The following CYP7B1 variants were observed in gnomAD, a reference collection of about 807,000 sequenced individuals.
CYP7B1 encodes the protein cytochrome P450 7B1.
In CYP7B1, 29 loss-of-function variants were observed where a neutral mutation model predicts 42.7. That is an observed-to-expected ratio of 0.68 (90% CI 0.51 to 0.93). CYP7B1 has a LOEUF of 0.93. CYP7B1 is among the 40% of genes least tolerant of loss of function. The pLI is 0.00. For synonymous variants in CYP7B1, 235 were observed against 218.2 expected, an observed-to-expected ratio of 1.08 and a Z score of -0.68; for missense variants, 655 against 600.5, an observed-to-expected ratio of 1.09 and a Z score of -0.95.
At chr8:64,606,585 G>A (rs891848719) in intron 4 of CYP7B1, among the ~76,000 whole-genome samples, 3 of 152,156 alleles carry the variant, frequency 2.0e-5, no homozygotes, top group African/African-American at 7.2e-5. Context: ...GTGCTCTCGG[G>A]AAGCATGGCA....
chr8:64,737,567 T>C (rs1414223497), intron 1 of CYP7B1, among the ~76,000 whole-genome samples: 1 of 152,244 alleles, frequency 6.6e-6, no homozygotes, highest in East Asian at 1.9e-4. Flanking sequence ...TCCATATTTG[T>C]ATAAGAATCA....
intron 1 of CYP7B1, among the ~76,000 whole-genome samples, chr8:64,648,197 T>C (rs1272373282): frequency 1.3e-5 from 2 of 152,226 alleles, no homozygotes; most frequent in African/African-American, 2.4e-5. Context: ...GAGTTGATTA[T>C]GAATTATGTG....
At chr8:64,788,455 T>G (rs533352353) in intron 1 of CYP7B1, among the ~76,000 whole-genome samples, 1 of 152,348 alleles carries the variant, frequency 6.6e-6, no homozygotes, top group East Asian at 1.9e-4. Flanking sequence ...TCTGATATTT[T>G]TCTCACATCC....
chr8:64,705,911 T>C (rs1449051571), intron 1 of CYP7B1, among the ~76,000 whole-genome samples: 1 of 152,028 alleles, frequency 6.6e-6, no homozygotes, highest in African/African-American at 2.4e-5. Context: ...GTGAGAACAA[T>C]AAAATTCAGA....
At chr8:64,610,115 A>C (rs902449987) in intron 4 of CYP7B1, among the ~76,000 whole-genome samples, 8 of 152,210 alleles carry the variant, frequency 5.3e-5, no homozygotes, top group Admixed American at 4.6e-4. Context: ...TGATATTTAG[A>C]TCTAAATACA....
intron 1 of CYP7B1, among the ~76,000 whole-genome samples, chr8:64,698,332 AG>A (rs113079849): frequency 1.4e-4 from 21 of 150,340 alleles, no homozygotes; most frequent in African/African-American, 2.9e-4. Context: ...CTCCAGCAGC[AG>A]GGGGGGGAAA....
chr8:64,629,848 G>C (rs927232684), intron 1 of CYP7B1, among the ~76,000 whole-genome samples: 1 of 152,190 alleles, frequency 6.6e-6, no homozygotes, highest in African/African-American at 2.4e-5. Context: ...TCGGGAAGAG[G>C]AGTATCTCAA....
At chr8:64,662,274 G>A (rs1010663037) in intron 1 of CYP7B1, among the ~76,000 whole-genome samples, 7 of 152,100 alleles carry the variant, frequency 4.6e-5, no homozygotes, top group South Asian at 2.1e-4. Context: ...TCGAGGCTGC[G>A]GTGTGCTTTA....
At chr8:64,603,968 C>T (rs1430305753) in intron 5 of CYP7B1, among the ~76,000 whole-genome samples, 1 of 152,170 alleles carries the variant, frequency 6.6e-6, no homozygotes, top group Non-Finnish European at 1.5e-5. Context: ...AACATTACTT[C>T]CTAAGAAACA....
In CYP7B1 at chr8:64,729,520, C is replaced by T. The variant is rs569898646; in HGVS notation, c.122+68946G>A. 1.8e-4 allele frequency among the ~76,000 whole-genome samples: 27 copies of T among 152,078 alleles called. No homozygotes were observed. The East Asian group carries it at 3.3e-3, about 18-fold the overall frequency. ...TGACCTTTAAAATTGTTTGTCGAGG[C>T]GTTAAAAACTCTTATGTTAGTTATA... On this transcript the variant is annotated intron_variant, in intron 1 of 5. Transcript: ENST00000310193.
intron 1 of CYP7B1, among the ~76,000 whole-genome samples, chr8:64,702,651 A>G (rs1806935136): frequency 6.6e-6 from 1 of 152,106 alleles, no homozygotes; most frequent in Non-Finnish European, 1.5e-5. Context: ...AGTGACCTTG[A>G]CTGACAAGCG....
At chr8:64,720,625 T>C (rs570010859) in intron 1 of CYP7B1, among the ~76,000 whole-genome samples, 1 of 152,308 alleles carries the variant, frequency 6.6e-6, no homozygotes, top group African/African-American at 2.4e-5. Context: ...TCTTTAAGGT[T>C]GGCTATATGT....
chr8:64,690,093 C>T (rs1806715793), intron 1 of CYP7B1, among the ~76,000 whole-genome samples: 3 of 152,002 alleles, frequency 2.0e-5, no homozygotes, highest in Admixed American at 6.6e-5. Flanking sequence ...ATCAAACATC[C>T]TATTTAAAAA....
chr8:64,653,952 G>C (rs572201718), intron 1 of CYP7B1, among the ~76,000 whole-genome samples: 3 of 152,042 alleles, frequency 2.0e-5, no homozygotes, highest in Non-Finnish European at 4.4e-5. Flanking sequence ...TATATTAAAA[G>C]TAAACTAAAT....
chr8:64,621,037 T>C (rs1400834204), intron 2 of CYP7B1, among the ~76,000 whole-genome samples: 1 of 152,240 alleles, frequency 6.6e-6, no homozygotes, highest in African/African-American at 2.4e-5. Context: ...TTCTATCTAT[T>C]CATTAGAAAC....
Position 64,592,929 on chromosome 8 carries a change from C to G in CYP7B1, c.*3713G>C, listed in dbSNP as rs942032910. On this transcript the variant is annotated 3_prime_UTR_variant, in exon 6 of 6. Coordinates refer to ENST00000310193, the MANE Select transcript of CYP7B1 (RefSeq NM_004820.5). The stretch of plus-strand genomic sequence containing the variant: ...ATTTAGTTACTGGATTTAAGACTGT[C>G]ACAAGATTCTCAATGTTTTGTTTTG... 6.6e-6 allele frequency among the ~76,000 whole-genome samples: 1 copy of G among 152,162 alleles called. No individual in the cohort carries two copies. The highest frequency in any genetic ancestry group is 6.5e-5 in the Admixed American group (1 of 15,270).
intron 1 of CYP7B1, among the ~76,000 whole-genome samples, chr8:64,629,487 A>AT (rs1413164974): frequency 2.6e-5 from 4 of 152,030 alleles, no homozygotes; most frequent in East Asian, 1.9e-4. Flanking sequence ...CCTTAGTTTT[A>AT]TTTTTTTATT....
intron 1 of CYP7B1, among the ~76,000 whole-genome samples, chr8:64,629,236 A>G (rs897071989): frequency 6.6e-6 from 1 of 151,650 alleles, no homozygotes; most frequent in African/African-American, 2.4e-5. Context: ...CAAAAAAAAA[A>G]AAAAAAAAAA....
At chr8:64,590,681 CT>C (rs1231334661), downstream of CYP7B1, among the ~76,000 whole-genome samples, 2 of 152,072 alleles carry the variant, frequency 1.3e-5, no homozygotes, top group Admixed American at 6.5e-5. Flanking sequence ...AGTTAATATA[CT>C]TTCAGGAGAG....
Sources: gnomAD v4.1 joint callset for allele counts (sites outside exome capture counted in the v4.1 genomes callset) on GRCh38, gnomAD v4.1.1 for gene constraint, MANE v1.5 for transcripts, NCBI Gene and HGNC (gene_info 2026-07-23, HGNC 2026-07-21) for gene names.